The following RABGAP1L variants were observed in gnomAD, a reference collection of about 807,000 sequenced individuals.
RABGAP1L encodes the protein rab GTPase-activating protein 1-like.
In RABGAP1L, 63 loss-of-function variants were observed where a neutral mutation model predicts 137.7. That is an observed-to-expected ratio of 0.46 (90% CI 0.37 to 0.56). The LOEUF (loss-of-function observed/expected upper bound fraction) is 0.56. Ranked by LOEUF, RABGAP1L falls within the 20% of genes least tolerant of loss-of-function variation. RABGAP1L has a pLI of 0.00. For synonymous variants in RABGAP1L, 431 were observed against 433.7 expected, an observed-to-expected ratio of 0.99 and a Z score of 0.08; for missense variants, 1,095 against 1,244.0, an observed-to-expected ratio of 0.88 and a Z score of 1.80.
At chr1:174,244,112 G>A (rs987054250) in intron 5 of RABGAP1L, among the ~76,000 whole-genome samples, 6 of 152,046 alleles carry the variant, frequency 3.9e-5, no homozygotes, top group Admixed American at 3.9e-4. Flanking sequence ...CTGGTCATCC[G>A]GTTGTCTGGT....
intron 14 of RABGAP1L, among the ~76,000 whole-genome samples, chr1:174,651,610 G>A (rs926209640): frequency 1.3e-5 from 2 of 151,986 alleles, no homozygotes; most frequent in Non-Finnish European, 2.9e-5. Flanking sequence ...TGTCTCTTTT[G>A]ATCTTTGTTG....
chr1:174,444,426 C>G (rs900830266), intron 13 of RABGAP1L, among the ~76,000 whole-genome samples: 1 of 151,832 alleles, frequency 6.6e-6, no homozygotes, highest in African/African-American at 2.4e-5. Flanking sequence ...TCCATGTCTG[C>G]TTTTGGTATC....
chr1:174,603,522 C>A (rs1356246427), intron 13 of RABGAP1L, among the ~76,000 whole-genome samples: 1 of 152,114 alleles, frequency 6.6e-6, no homozygotes, highest in African/African-American at 2.4e-5. Context: ...GAATCAGGAA[C>A]CTTAGGATTC....
At chr1:174,596,487 T>G (rs1294247524) in intron 13 of RABGAP1L, among the ~76,000 whole-genome samples, 1 of 152,206 alleles carries the variant, frequency 6.6e-6, no homozygotes, top group Non-Finnish European at 1.5e-5. Flanking sequence ...GCAAATTGGA[T>G]TCTTAAATTT....
chr1:174,220,475 C>T (rs1669674595), intron 2 of RABGAP1L, among the ~76,000 whole-genome samples: 1 of 152,112 alleles, frequency 6.6e-6, no homozygotes, highest in Non-Finnish European at 1.5e-5. Context: ...CAAGACCAGC[C>T]TGGCCAATGT....
chr1:174,632,879 T>G (rs913957106), intron 13 of RABGAP1L, among the ~76,000 whole-genome samples: 1 of 151,662 alleles, frequency 6.6e-6, no homozygotes, highest in Non-Finnish European at 1.5e-5. Context: ...GTCTGAAGCC[T>G]TCTTCTCTCA....
intron 19 of RABGAP1L, among the ~76,000 whole-genome samples, chr1:174,884,869 C>G (rs1323865801): frequency 2.6e-5 from 4 of 152,200 alleles, no homozygotes; most frequent in Non-Finnish European, 2.9e-5. Context: ...TACACAGCAT[C>G]CAGATTTATA....
chr1:174,658,418 T>G (rs1205407442), intron 14 of RABGAP1L, among the ~76,000 whole-genome samples: 1 of 152,184 alleles, frequency 6.6e-6, no homozygotes, highest in Non-Finnish European at 1.5e-5. Context: ...TAATCTAGTG[T>G]TCTCCCTTCC....
At chr1:174,500,593 T>A (rs1661167246) in intron 13 of RABGAP1L, among the ~76,000 whole-genome samples, 1 of 152,176 alleles carries the variant, frequency 6.6e-6, no homozygotes, top group South Asian at 2.1e-4. Context: ...AGTAGTGTGA[T>A]AAGTATTATA....
intron 19 of RABGAP1L, among the ~76,000 whole-genome samples, chr1:174,952,964 A>G (rs1667946590): frequency 6.6e-6 from 1 of 151,050 alleles, no homozygotes; most frequent in Non-Finnish European, 1.5e-5. Context: ...GGAGTTCAAG[A>G]GCAGCCTGGC....
intron 13 of RABGAP1L, among the ~76,000 whole-genome samples, chr1:174,585,870 T>G (rs1446216898): frequency 6.6e-6 from 1 of 152,158 alleles, no homozygotes; most frequent in Non-Finnish European, 1.5e-5. Context: ...GTATCATGTG[T>G]GCATGTCTAT....
chr1:174,501,947 A>G (rs1274525016), intron 13 of RABGAP1L, among the ~76,000 whole-genome samples: 2 of 151,550 alleles, frequency 1.3e-5, no homozygotes, highest in Admixed American at 6.6e-5. Flanking sequence ...GAGCTGACCT[A>G]GGTTTACGGG....
In RABGAP1L at chr1:174,252,635, T is replaced by G. The variant is rs768121633; in HGVS notation, c.986+45T>G. On this transcript the variant is annotated intron_variant, in intron 7 of 25. Transcript: ENST00000681986. ...ATGCTACCAAAAACTTGTATTGACA[T>G]TGTTACTGTCTCAGATGCATTGCTC... 5.0e-6 allele frequency: 8 copies of G among 1,587,988 alleles called. No individual in the cohort carries two copies. The Middle Eastern group carries it at 8.3e-4, about 166-fold the overall frequency.
intron 13 of RABGAP1L, among the ~76,000 whole-genome samples, chr1:174,611,482 G>T (rs1367692038): frequency 6.7e-6 from 1 of 149,982 alleles, no homozygotes; most frequent in African/African-American, 2.5e-5. Context: ...TTTGAAGTCA[G>T]GTAGCATGAT....
chr1:174,717,162 C>T (rs1681087875), intron 17 of RABGAP1L, among the ~76,000 whole-genome samples: 1 of 152,090 alleles, frequency 6.6e-6, no homozygotes, highest in African/African-American at 2.4e-5. Flanking sequence ...GTAATTCCAG[C>T]ATTTTGGGAG....
rs191272157 is a variant in RABGAP1L at position 174,941,779 on chromosome 1, A to G, written c.2341-15678A>G. Reference sequence around the variant, plus strand: ...CCCTCCAGGACGATGCTTACATGCTATCTCTTCCTTAAAGTCTATCCTAAA... The same window carrying G: ...CCCTCCAGGACGATGCTTACATGCTGTCTCTTCCTTAAAGTCTATCCTAAA... On this transcript the variant is annotated intron_variant, in intron 19 of 25. Coordinates refer to ENST00000681986, the MANE Select transcript of RABGAP1L (RefSeq NM_001366446.1). 2.3e-3 allele frequency among the ~76,000 whole-genome samples: 352 copies of G among 152,328 alleles called. 1 individual carries two copies. Among genetic ancestry groups the G allele is most frequent in the Non-Finnish European group, 3.6e-3 (244 of 68,016 alleles).
chr1:174,791,558 C>T (rs79258314), intron 18 of RABGAP1L, among the ~76,000 whole-genome samples: 11,632 of 152,238 alleles, frequency 0.076, 631 homozygotes, highest in East Asian at 0.31. Flanking sequence ...ATTCTATACA[C>T]GATAATTTTA....
intron 18 of RABGAP1L, among the ~76,000 whole-genome samples, chr1:174,792,742 G>A (rs1296901843): frequency 2.6e-5 from 4 of 152,232 alleles, no homozygotes; most frequent in Admixed American, 6.5e-5. Flanking sequence ...GTTACTAGAA[G>A]TTTCAGATGT....
intron 19 of RABGAP1L, among the ~76,000 whole-genome samples, chr1:174,843,473 C>T (rs944179395): frequency 5.4e-5 from 8 of 148,160 alleles, no homozygotes; most frequent in East Asian, 2.0e-4. Flanking sequence ...GGAGAATATG[C>T]GGTGTTTGGT....
Sources: gnomAD v4.1 joint callset for allele counts (sites outside exome capture counted in the v4.1 genomes callset) on GRCh38, gnomAD v4.1.1 for gene constraint, MANE v1.5 for transcripts, NCBI Gene and HGNC (gene_info 2026-07-23, HGNC 2026-07-21) for gene names.